Variants in TYMP observed in about 807,000 individuals in gnomAD.
TYMP encodes gliostatin.
A neutral mutation model predicts 42.3 loss-of-function variants in TYMP; 46 were observed. The observed-to-expected ratio is 1.09, with a 90% confidence interval of 0.86 to 1.39. The LOEUF (loss-of-function observed/expected upper bound fraction) is 1.39, where lower values mean the gene tolerates loss of function less well. Ranked by LOEUF, TYMP falls within the 40% of genes most tolerant of loss-of-function variation. The pLI is 0.00. For missense variants in TYMP, 837 were observed against 677.6 expected (o/e 1.24, Z -2.61); for synonymous variants, 363 against 308.0 (o/e 1.18, Z -1.87).
At chr22:50,526,799 G>A in intron 6 of TYMP, 61 bp from the exon 7 acceptor site, 2 of 1,506,260 alleles carry the variant, frequency 1.3e-6, no homozygotes, top group Admixed American at 2.0e-5. Context: ...CCGGTTCTTG[G>A]TCGAACTCCA....
At position 50,529,188 on chromosome 22, in the gene TYMP, C is replaced by T. The variant is rs1388735279; in HGVS notation, c.365G>A (p.Gly122Asp). The change falls in exon 3 of 10, where the codon GGT (glycine) becomes GAT (aspartate). Residue 122 changes from glycine to aspartate, a missense_variant. By Grantham distance (94) the Gly-to-Asp change is moderately conservative. Transcript: ENST00000252029. ...TGCGAGGACCAGGCTGACCTTGTCA[C>T]CCACACCCCCTGTGGAATGCTTGTC... ...LVDKHSTGGV[G>D]DKVSLVLAPA... is the part of the protein sequence containing the mutation. The T allele has an allele frequency of 6.2e-7, 1 of 1,613,304 alleles. No homozygotes were observed. Among genetic ancestry groups the T allele is most frequent in the Admixed American group, 1.7e-5 (1 of 60,026 alleles).
intron 3 of TYMP, 146 bp from the exon 4 acceptor site, chr22:50,528,756 G>A (rs2069484772): frequency 4.2e-6 from 3 of 713,842 alleles, no homozygotes; most frequent in East Asian, 5.4e-5. Flanking sequence ...GGAATGGAAA[G>A]GAAGTTTTCT....
intron 1 of TYMP, 21 bp from the exon 2 acceptor site, chr22:50,529,740 T>C: frequency 6.3e-7 from 1 of 1,586,098 alleles, no homozygotes; most frequent in South Asian, 1.1e-5. Flanking sequence ...GCCTGACACG[T>C]CCGGGGTCTG....
At chr22:50,526,540 C>G (rs1370369591) in intron 7 of TYMP, 36 bp downstream of exon 7, 2 of 1,545,888 alleles carry the variant, frequency 1.3e-6, no homozygotes, top group Non-Finnish European at 1.7e-6. Context: ...AAGCACCCCC[C>G]GCCGCCTCCG....
chr22:50,529,924 G>T lies in TYMP; in HGVS notation c.-31C>A. ...CGTACCTGCTTAGGGCGCTGCCCTCGCCCGCTTGCTCCGGATCCCAGCCCA... is the reference window on the plus strand; with the variant it reads ...CGTACCTGCTTAGGGCGCTGCCCTCTCCCGCTTGCTCCGGATCCCAGCCCA... On this transcript the variant is annotated 5_prime_UTR_variant, in exon 1 of 10. Transcript: ENST00000252029. 1 of 599,974 alleles carries T rather than the reference G, an allele frequency of 1.7e-6. No homozygotes were observed. The highest frequency in any genetic ancestry group is 2.9e-6 in the Non-Finnish European group (1 of 339,146). The allele number at this position is 599,974 out of a possible 1,614,324, so 37.2% of individuals were successfully genotyped here.
In TYMP at chr22:50,526,006, CGCA is replaced by C; in HGVS notation, c.1292_1294del (p.Leu431del). On this transcript the variant is annotated inframe_deletion, in exon 9 of 10. Coordinates refer to ENST00000252029, the MANE Select transcript of TYMP (RefSeq NM_001953.5). ...AGGGCGGGGGCGGCGCTCACCACGG[CGCA>C]GCCTCTGACCCACGTCGACCAGCAG... is the stretch of plus-strand genomic sequence containing the variant. 1 of 1,447,508 alleles carries C rather than the reference CGCA, an allele frequency of 6.9e-7. No individual in the cohort carries two copies. Among genetic ancestry groups the C allele is most frequent in the East Asian group, 3.0e-5 (1 of 33,400 alleles). The allele number at this position is 1,447,508 out of a possible 1,614,324, so 89.7% of individuals were successfully genotyped here. A position where few individuals can be genotyped will look rare whatever the true frequency, so the allele number is the denominator to read the frequency against.
At chr22:50,526,207 T>G (rs1219578334) in intron 8 of TYMP, 39 bp downstream of exon 8, 4 of 1,492,742 alleles carry the variant, frequency 2.7e-6, no homozygotes, top group Non-Finnish European at 3.6e-6. Context: ...GGGAAGGGGA[T>G]GGCGGAGGCG....
chr22:50,529,051 G>C, intron 3 of TYMP, 85 bp downstream of exon 3: 20 of 1,421,516 alleles, frequency 1.4e-5, no homozygotes, highest in Non-Finnish European at 2.0e-5. Context: ...TTTGGGCCAG[G>C]CTTGAGGTTG....
At position 50,526,264 on chromosome 22, in the gene TYMP, GCTC is replaced by G. The variant is rs1569522110; in HGVS notation, c.1138_1140del (p.Glu380del). ...CGCTCACCATCTGCGGGCGCCAGCA[GCTC>G]CTCCTGCTCCCGGGCGCGAGGCAGC... On this transcript the variant is annotated inframe_deletion, in exon 8 of 10. Coordinates refer to ENST00000252029, the MANE Select transcript of TYMP (RefSeq NM_001953.5). The G allele has an allele frequency of 1.3e-6, 2 of 1,538,336 alleles. No individual in the cohort carries two copies. The highest frequency in any genetic ancestry group is 1.4e-5 in the African/African-American group (1 of 70,666).
At chr22:50,527,143 A>C in intron 6 of TYMP, 22 bp downstream of exon 6, 2 of 1,593,900 alleles carry the variant, frequency 1.3e-6, no homozygotes, top group East Asian at 2.2e-5. Flanking sequence ...ACGCTTGCCC[A>C]GGGAAAGGCC....
chr22:50,526,167 CGGGCTCGGGAAGGGGCGG>C (rs760967496), intron 8 of TYMP, 26 bp from the exon 9 acceptor site: 15 of 1,468,248 alleles, frequency 1.0e-5, no homozygotes, highest in Middle Eastern at 3.9e-4. Context: ...CTGAGAGGCG[CGGGCTCGGGAAGGGGCGG>C]GGCCTCGGGA....
At chr22:50,528,724 A>T in intron 3 of TYMP, 114 bp from the exon 4 acceptor site, 1 of 830,236 alleles carries the variant, frequency 1.2e-6, no homozygotes, top group Non-Finnish European at 2.0e-6. Context: ...TTAAGCAGCT[A>T]TAGGGGTGCC....
At chr22:50,528,827 G>C in intron 3 of TYMP, 1 of 624,286 alleles carries the variant, frequency 1.6e-6, no homozygotes, top group Non-Finnish European at 2.9e-6. Context: ...ACAAGGCTTG[G>C]GGCAGAGGGA....
chr22:50,527,345 G>T (rs1037895985), intron 5 of TYMP, 62 bp from the exon 6 acceptor site: 14 of 1,445,214 alleles, frequency 9.7e-6, no homozygotes, highest in Non-Finnish European at 1.4e-5. Flanking sequence ...GGGAGAGTTC[G>T]GGGATGCCGA....
In TYMP at chr22:50,526,581, G is replaced by C; in HGVS notation, c.923C>G (p.Thr308Arg). 6.3e-7 allele frequency: 1 copy of C among 1,575,408 alleles called. No homozygotes were observed. Among genetic ancestry groups the C allele is most frequent in the South Asian group, 1.2e-5 (1 of 86,286 alleles). ...GPPDLRDLVT[T>R]LGGALLWLSG... is the part of the protein sequence containing the mutation. ...CTACACCCCGTCCCCCTCACCGAGC[G>C]TGGTGACCAGGTCCCTTAAGTCTGG... The change falls in exon 7 of 10, where the codon ACG becomes AGG. Residue 308 changes from threonine (T) to arginine (R), a missense_variant. Physicochemically the swap from Thr to Arg is moderately conservative, Grantham distance 71 (BLOSUM62 -1). Coordinates refer to ENST00000252029, the MANE Select transcript of TYMP (RefSeq NM_001953.5).
chr22:50,528,329 TC>T lies in TYMP; in HGVS notation c.516+182del, dbSNP rs934285817. ...CAGCCATCTGTGATTTTGACCAACT[TC>T]CCATTTTATGATCCTAATCAAAGTT... On this transcript the variant is annotated intron_variant, in intron 4 of 9. Transcript: ENST00000252029. The T allele has an allele frequency of 2.5e-5, 17 of 675,840 alleles. No homozygotes were observed. In the African/African-American group the frequency reaches 2.7e-4, roughly 11 times the overall value. 41.9% of individuals were successfully genotyped at this position (675,840 alleles called of 1,614,324 possible). A position where few individuals can be genotyped will look rare whatever the true frequency, so the allele number is the denominator to read the frequency against.
rs1603442079 is a variant in TYMP at position 50,529,527 on chromosome 22, C to T, written c.183G>A (p.Val61=). The change falls in exon 2 of 10, where the codon GTG becomes GTA. Residue 61 remains valine (V), a synonymous_variant. Coordinates refer to ENST00000252029, the MANE Select transcript of TYMP (RefSeq NM_001953.5). ...EADIRGFVAA[V]VNGSAQGAQI... is the part of the protein sequence containing the mutation. The stretch of plus-strand genomic sequence containing the variant: ...GTGCGCCCTGCGCGCTCCCATTCAC[C>T]ACAGCGGCCACGAAGCCCCTGATGT... 6.2e-7 allele frequency: 1 copy of T among 1,613,060 alleles called. No individual in the cohort carries two copies. Among genetic ancestry groups the T allele is most frequent in the East Asian group, 2.2e-5 (1 of 44,882 alleles).
chr22:50,525,965 G>A, intron 9 of TYMP, 36 bp downstream of exon 9: 13 of 1,391,266 alleles, frequency 9.3e-6, no homozygotes, highest in Non-Finnish European at 1.2e-5. Flanking sequence ...GAGCTGGGCG[G>A]GGGTGCGGGG....
At position 50,527,855 on chromosome 22, in the gene TYMP, G is replaced by A. The variant is rs950532500; in HGVS notation, c.517-138C>T. 3.1e-5 allele frequency: 33 copies of A among 1,069,896 alleles called. 1 individual carries two copies. The South Asian group carries it at 4.6e-4, about 15-fold the overall frequency. 66.3% of individuals were successfully genotyped at this position (1,069,896 alleles called of 1,614,324 possible). A position where few individuals can be genotyped will look rare whatever the true frequency, so the allele number is the denominator to read the frequency against. On this transcript the variant is annotated intron_variant, in intron 4 of 9. Coordinates refer to ENST00000252029, the MANE Select transcript of TYMP (RefSeq NM_001953.5). ...AGTTGGCACAATTTCGGCTCATTGT[G>A]ACCTCTGCCTCCTGGGCTTAAGTGA...
Sources: gnomAD v4.1 joint callset for allele counts on GRCh38, gnomAD v4.1.1 for gene constraint, MANE v1.5 for transcripts, NCBI Gene and HGNC (gene_info 2026-07-23, HGNC 2026-07-21) for gene names.